ABCB5: variants seen among roughly 807,000 people sequenced by gnomAD.
The protein encoded by ABCB5 is ATP-binding cassette sub-family B member 5.
Under a neutral mutation model 144.2 loss-of-function variants are expected in ABCB5, and 155 were observed. The observed-to-expected ratio is 1.08, with a 90% CI of 0.94 to 1.23. The LOEUF (loss-of-function observed/expected upper bound fraction) is 1.23. Ranked by LOEUF, ABCB5 falls within the 50% of genes most tolerant of loss-of-function variation. The pLI, the probability that ABCB5 is intolerant of heterozygous loss-of-function variation, is 0.00. For missense variants in ABCB5, 1,830 were observed against 1,520.8 expected, an observed-to-expected ratio of 1.20 and a Z score of -3.38; for synonymous variants, 610 against 528.6, an observed-to-expected ratio of 1.15 and a Z score of -2.11.
intron 5 of ABCB5, among the ~76,000 whole-genome samples, chr7:20,640,103 G>A (rs1369398572): frequency 6.6e-6 from 1 of 151,638 alleles, no homozygotes; most frequent in East Asian, 1.9e-4. Flanking sequence ...TTTCCCTACA[G>A]CATTAAAAAA....
chr7:20,699,713 GAA>G (rs376484007), intron 17 of ABCB5, 110 bp from the exon 18 acceptor site: 309 of 547,042 alleles, frequency 5.6e-4, no homozygotes, highest in East Asian at 6.3e-4. Context: ...TCTCATAAAA[GAA>G]AAAAAAAAAA....
intron 26 of ABCB5, among the ~76,000 whole-genome samples, chr7:20,747,253 A>G (rs944516728): frequency 6.6e-6 from 1 of 152,072 alleles, no homozygotes; most frequent in African/African-American, 2.4e-5. Flanking sequence ...TGCCCAATTG[A>G]TATTTGTACC....
chr7:20,622,745 A>G (rs992429616), intron 1 of ABCB5, among the ~76,000 whole-genome samples: 1 of 152,084 alleles, frequency 6.6e-6, no homozygotes, highest in African/African-American at 2.4e-5. Context: ...TTAATGATGA[A>G]TGGATTTTCA....
intron 1 of ABCB5, among the ~76,000 whole-genome samples, chr7:20,616,349 T>C (rs1320623198): frequency 6.6e-6 from 1 of 152,208 alleles, no homozygotes; most frequent in African/African-American, 2.4e-5. Context: ...TCTTCTTTCA[T>C]CTAACCAAAG....
intron 20 of ABCB5, 105 bp downstream of exon 20, chr7:20,704,912 C>T (rs1232864212): frequency 3.6e-6 from 3 of 838,382 alleles, no homozygotes; most frequent in South Asian, 4.0e-5. Flanking sequence ...AGATGACCCA[C>T]ATCATTAATG....
At chr7:20,740,473 T>TAGTGAC (rs1477983290) in intron 24 of ABCB5, among the ~76,000 whole-genome samples, 1 of 152,200 alleles carries the variant, frequency 6.6e-6, no homozygotes, top group Non-Finnish European at 1.5e-5. Context: ...GAATGCCTGT[T>TAGTGAC]AGTGACAGAA....
chr7:20,669,329 G>A (rs553377275), intron 14 of ABCB5, among the ~76,000 whole-genome samples: 9 of 147,450 alleles, frequency 6.1e-5, no homozygotes, highest in East Asian at 4.1e-4. Context: ...GATGGTTGCC[G>A]GGTCTGTGTG....
At chr7:20,637,055 T>A (rs1043579445) in intron 5 of ABCB5, among the ~76,000 whole-genome samples, 18 of 152,256 alleles carry the variant, frequency 1.2e-4, no homozygotes, top group African/African-American at 4.1e-4. Context: ...CTACCAATAT[T>A]TGATTGTGGA....
In ABCB5 at chr7:20,738,845, G is replaced by A. The variant is rs960400908; in HGVS notation, c.2868-138G>A. On this transcript the variant is annotated intron_variant, in intron 23 of 27. Coordinates refer to ENST00000404938, the MANE Select transcript of ABCB5 (RefSeq NM_001163941.2). ...TAGAAATTTTTTAAAGAGATAACTTGGTGGGTCTTCAGCGTTAGGGGTGCC... is the reference window on the plus strand; with the variant it reads ...TAGAAATTTTTTAAAGAGATAACTTAGTGGGTCTTCAGCGTTAGGGGTGCC... The A allele has an allele frequency of 9.4e-5, 81 of 858,638 alleles. 1 individual carries two copies. The Middle Eastern group carries it at 1.5e-3, about 16-fold the overall frequency. 53.2% of individuals were successfully genotyped at this position (858,638 alleles called of 1,614,324 possible). A position where few individuals can be genotyped will look rare whatever the true frequency, so the allele number is the denominator to read the frequency against.
chr7:20,694,489 A>T (rs1297353127), intron 16 of ABCB5, among the ~76,000 whole-genome samples: 1 of 152,110 alleles, frequency 6.6e-6, no homozygotes, highest in Non-Finnish European at 1.5e-5. Context: ...GGCAGCTACA[A>T]AAAACAACGG....
chr7:20,708,862 T>C (rs1027810393), intron 20 of ABCB5, among the ~76,000 whole-genome samples: 26 of 152,356 alleles, frequency 1.7e-4, no homozygotes, highest in East Asian at 1.9e-4. Flanking sequence ...TGTATCTTAG[T>C]AGATTCTACT....
intron 14 of ABCB5, among the ~76,000 whole-genome samples, chr7:20,679,329 C>T (rs1270253779): frequency 1.3e-5 from 2 of 151,846 alleles, no homozygotes; most frequent in Non-Finnish European, 2.9e-5. Flanking sequence ...ATTAGCTGGG[C>T]ATGGTGGCAG....
intron 20 of ABCB5, among the ~76,000 whole-genome samples, chr7:20,711,776 T>TCCTCTC (rs1554287278): frequency 2.4e-5 from 1 of 42,190 alleles, no homozygotes. Flanking sequence ...CTTTCCTTCT[T>TCCTCTC]TCTCTTTCTT....
intron 20 of ABCB5, among the ~76,000 whole-genome samples, chr7:20,706,038 G>C (rs182819182): frequency 6.6e-6 from 1 of 152,052 alleles, no homozygotes; most frequent in Admixed American, 6.6e-5. Context: ...CTAGAATTTT[G>C]TTAGATAGTA....
At chr7:20,680,154 T>C (rs1316018379) in intron 14 of ABCB5, among the ~76,000 whole-genome samples, 2 of 152,160 alleles carry the variant, frequency 1.3e-5, no homozygotes, top group Non-Finnish European at 2.9e-5. Context: ...AAGACCCAGA[T>C]ACAGAAGAGT....
chr7:20,734,040 G>T (rs1000686621), intron 23 of ABCB5, among the ~76,000 whole-genome samples: 3 of 152,256 alleles, frequency 2.0e-5, no homozygotes, highest in Middle Eastern at 3.4e-3. Flanking sequence ...TTCTCCTCCA[G>T]TATTAAATGT....
intron 1 of ABCB5, among the ~76,000 whole-genome samples, chr7:20,620,532 C>T (rs1783786077): frequency 6.6e-6 from 1 of 151,138 alleles, no homozygotes; most frequent in African/African-American, 2.4e-5. Flanking sequence ...TAAAGAACAC[C>T]TACAACTTAC....
chr7:20,713,535 C>T (rs1391534988), intron 20 of ABCB5, among the ~76,000 whole-genome samples: 1 of 149,704 alleles, frequency 6.7e-6, no homozygotes, highest in Non-Finnish European at 1.5e-5. Context: ...CATGCCTAAC[C>T]CCCTGCCAAT....
At chr7:20,693,860 T>A (rs989698947) in intron 16 of ABCB5, among the ~76,000 whole-genome samples, 3 of 151,304 alleles carry the variant, frequency 2.0e-5, no homozygotes, top group Non-Finnish European at 4.4e-5. Context: ...AATAAAATAA[T>A]CTTATTAAAA....
Sources: gnomAD v4.1 joint callset for allele counts (sites outside exome capture counted in the v4.1 genomes callset) on GRCh38, gnomAD v4.1.1 for gene constraint, MANE v1.5 for transcripts, NCBI Gene and HGNC (gene_info 2026-07-23, HGNC 2026-07-21) for gene names.